The following INPP4B variants were observed in gnomAD, a reference collection of about 807,000 sequenced individuals.
INPP4B encodes the protein inositol polyphosphate 4-phosphatase type II.
INPP4B carries 55 observed loss-of-function variants against 122.5 expected under a neutral mutation model. The observed-to-expected ratio is 0.45, with a 90% CI of 0.36 to 0.56. The LOEUF (loss-of-function observed/expected upper bound fraction) is 0.56, where lower values mean the gene tolerates loss of function less well. Ranked by LOEUF, INPP4B falls within the 20% of genes least tolerant of loss-of-function variation. The pLI, the probability that INPP4B is intolerant of heterozygous loss-of-function variation, is 0.00. For missense variants in INPP4B, 1,000 were observed against 1,097.7 expected (o/e 0.91, Z 1.26); for synonymous variants, 403 against 388.7 (o/e 1.04, Z -0.43).
intron 12 of INPP4B, among the ~76,000 whole-genome samples, chr4:142,210,887 C>T (rs1256733388): frequency 6.6e-6 from 1 of 152,092 alleles, no homozygotes; most frequent in Non-Finnish European, 1.5e-5. Flanking sequence ...GGGTGGTGTA[C>T]ATTTCCTTGC....
intron 2 of INPP4B, among the ~76,000 whole-genome samples, chr4:142,663,773 G>C (rs1755597105): frequency 6.6e-6 from 1 of 152,042 alleles, no homozygotes. Flanking sequence ...TATAGCAACT[G>C]TCACCATAGT....
rs545067247 is a variant in INPP4B at position 142,430,029 on chromosome 4, A to G, written c.92-812T>C. 4.7e-4 allele frequency among the ~76,000 whole-genome samples: 71 copies of G among 152,194 alleles called. 1 individual carries two copies. In the South Asian group the frequency reaches 0.014, roughly 31 times the overall value. On this transcript the variant is annotated intron_variant, in intron 4 of 25. Transcript: ENST00000262992. ...ACTAACATGTATGAAAAAGTAAACT[A>G]TTTGGCAATAAATGAAAGAGTATTA...
intron 25 of INPP4B, among the ~76,000 whole-genome samples, chr4:142,039,074 G>T (rs1467302833): frequency 6.6e-6 from 1 of 152,074 alleles, no homozygotes; most frequent in Non-Finnish European, 1.5e-5. Context: ...CCTGCCAGTT[G>T]TAAGATTAGA....
At chr4:142,029,033 A>AT (rs895847209) in intron 25 of INPP4B, 119 bp from the exon 26 acceptor site, 5,870 of 1,277,712 alleles carry the variant, frequency 4.6e-3, no homozygotes, top group South Asian at 0.012. Context: ...TCAACTCTAC[A>AT]TTTTTTTTTT....
chr4:142,179,997 C>G (rs1220020392), intron 15 of INPP4B, among the ~76,000 whole-genome samples: 1 of 152,106 alleles, frequency 6.6e-6, no homozygotes, highest in Admixed American at 6.5e-5. Flanking sequence ...TCATCCTAGA[C>G]CTTATGCCCT....
chr4:142,667,606 T>C (rs2150614632), intron 2 of INPP4B, among the ~76,000 whole-genome samples: 1 of 152,320 alleles, frequency 6.6e-6, no homozygotes, highest in South Asian at 2.1e-4. Context: ...TCTAGGGGGT[T>C]ATTTTGAGAA....
chr4:142,399,944 GTTA>G (rs1323002251), intron 7 of INPP4B, among the ~76,000 whole-genome samples: 1 of 151,986 alleles, frequency 6.6e-6, no homozygotes, highest in East Asian at 1.9e-4. Context: ...GGAAACAATA[GTTA>G]TGCTGAATCA....
chr4:142,707,767 A>G (rs1418083793), intron 2 of INPP4B, among the ~76,000 whole-genome samples: 1 of 152,224 alleles, frequency 6.6e-6, no homozygotes, highest in Non-Finnish European at 1.5e-5. Flanking sequence ...GAACAGGCAA[A>G]TACAGAAAAT....
intron 12 of INPP4B, among the ~76,000 whole-genome samples, chr4:142,213,912 C>A (rs977417209): frequency 6.6e-6 from 1 of 152,046 alleles, no homozygotes; most frequent in Non-Finnish European, 1.5e-5. Context: ...CTCGAGGGTG[C>A]GAGTTGAGAA....
intron 2 of INPP4B, among the ~76,000 whole-genome samples, chr4:142,685,733 CT>C (rs1759250948): frequency 1.3e-5 from 2 of 152,026 alleles, no homozygotes; most frequent in South Asian, 2.1e-4. Context: ...GCACTCCCCC[CT>C]GGGAGACAGA....
At chr4:142,160,906 C>T (rs929900420) in intron 16 of INPP4B, among the ~76,000 whole-genome samples, 4 of 151,962 alleles carry the variant, frequency 2.6e-5, no homozygotes, top group Admixed American at 2.6e-4. Flanking sequence ...CCTGCTGCAG[C>T]TTTCAAGTCA....
chr4:142,540,880 A>C (rs1462832219), intron 2 of INPP4B, among the ~76,000 whole-genome samples: 1 of 152,230 alleles, frequency 6.6e-6, no homozygotes, highest in Non-Finnish European at 1.5e-5. Context: ...ATAGTTACAG[A>C]TTGAAAACCA....
intron 1 of INPP4B, among the ~76,000 whole-genome samples, chr4:142,824,296 T>TTATCTATCTATCTATCTATCTATC (rs369651255): frequency 6.6e-6 from 1 of 150,546 alleles, no homozygotes; most frequent in African/African-American, 2.5e-5. Flanking sequence ...TACCTATCTA[T>TTATCTATCTATCTATCTATCTATC]TATCTATCTG....
chr4:142,442,948 G>C (rs1235046811), intron 3 of INPP4B, among the ~76,000 whole-genome samples: 1 of 152,154 alleles, frequency 6.6e-6, no homozygotes, highest in Non-Finnish European at 1.5e-5. Flanking sequence ...AGCTTGTGCA[G>C]GGGAACTCCC....
chr4:142,213,970 T>G (rs952071511), intron 12 of INPP4B, among the ~76,000 whole-genome samples: 1 of 152,182 alleles, frequency 6.6e-6, no homozygotes, highest in Non-Finnish European at 1.5e-5. Flanking sequence ...CTGGGACACC[T>G]CTTCATGATA....
chr4:142,720,750 A>G (rs1239437344), intron 2 of INPP4B, among the ~76,000 whole-genome samples: 2 of 89,388 alleles, frequency 2.2e-5, no homozygotes, highest in Non-Finnish European at 4.2e-5. Context: ...ATATATATAC[A>G]TATATATATA....
chr4:142,813,149 T>A (rs1779720825), intron 1 of INPP4B, among the ~76,000 whole-genome samples: 1 of 152,168 alleles, frequency 6.6e-6, no homozygotes, highest in Non-Finnish European at 1.5e-5. Context: ...GCAAAGAGAC[T>A]CATACATGTA....
chr4:142,288,444 C>T (rs763540982), intron 9 of INPP4B, among the ~76,000 whole-genome samples: 1 of 152,066 alleles, frequency 6.6e-6, no homozygotes, highest in African/African-American at 2.4e-5. Context: ...ATTAGCTGAG[C>T]GTGGTGTCAG....
chr4:142,425,329 C>T (rs551040056), intron 5 of INPP4B: 1 of 152,146 alleles, frequency 6.6e-6, no homozygotes, highest in South Asian at 2.1e-4. Context: ...ACTAGCTCAG[C>T]ATCTAGTCTA....
Sources: gnomAD v4.1 joint callset for allele counts (sites outside exome capture counted in the v4.1 genomes callset) on GRCh38, gnomAD v4.1.1 for gene constraint, MANE v1.5 for transcripts, NCBI Gene and HGNC (gene_info 2026-07-23, HGNC 2026-07-21) for gene names.